The following C14orf93 variants were observed in gnomAD, a reference collection of about 807,000 sequenced individuals.
The protein encoded by C14orf93 is uncharacterized protein C14orf93.
A neutral mutation model predicts 44.0 loss-of-function variants in C14orf93; 23 were observed. The observed-to-expected ratio is 0.52, with a 90% CI of 0.38 to 0.74. The LOEUF (loss-of-function observed/expected upper bound fraction) is 0.74. Ranked by LOEUF, C14orf93 falls within the 30% of genes least tolerant of loss-of-function variation. C14orf93 has a pLI of 0.00. For synonymous variants in C14orf93, 253 were observed against 265.7 expected (o/e 0.95, Z 0.46); for missense variants, 579 against 678.9 (o/e 0.85, Z 1.64).
In C14orf93 at chr14:22,996,284, A is replaced by G; in HGVS notation, c.598-16T>C. On this transcript the variant is annotated splice_polypyrimidine_tract_variant and intron_variant, in intron 2 of 6. Coordinates refer to ENST00000299088, the MANE Select transcript of C14orf93 (RefSeq NM_021944.4). The surrounding 1 kb of genome is among the most constrained non-coding windows in gnomAD (Gnocchi z 4.1). ...CATCCACCAGCTAAGAACATAAAAA[A>G]TAATAGCCTATTAGCCAGCCAGGCT... The G allele has an allele frequency of 1.3e-6, 2 of 1,525,866 alleles. No homozygotes were observed. Among genetic ancestry groups the G allele is most frequent in the Non-Finnish European group, 1.8e-6 (2 of 1,133,024 alleles). 94.5% of individuals were successfully genotyped at this position (1,525,866 alleles called of 1,614,324 possible).
intron 1 of C14orf93, chr14:23,006,754 G>C (rs1025936209): frequency 4.6e-5 from 7 of 152,480 alleles, no homozygotes; most frequent in Admixed American, 1.3e-4. Flanking sequence ...CGGGAAAGGC[G>C]ATCGCAGCGA....
At chr14:22,997,830 C>G (rs554718098) in intron 2 of C14orf93, among the ~76,000 whole-genome samples, 5 of 152,130 alleles carry the variant, frequency 3.3e-5, no homozygotes, top group Non-Finnish European at 7.4e-5. Context: ...CTCATAGTCT[C>G]TCTCCCGTGG....
At chr14:23,008,326 A>C (rs1018769817) in intron 1 of C14orf93, among the ~76,000 whole-genome samples, 1 of 152,188 alleles carries the variant, frequency 6.6e-6, no homozygotes, top group African/African-American at 2.4e-5. Flanking sequence ...ATAAAAATAC[A>C]CTCAGCACAA....
intron 4 of C14orf93, 56 bp downstream of exon 4, chr14:22,990,010 A>T: frequency 6.6e-7 from 1 of 1,520,560 alleles, no homozygotes; most frequent in South Asian, 1.1e-5. Flanking sequence ...ATCCCCCTCT[A>T]CTTCCCTGTC....
intron 1 of C14orf93, among the ~76,000 whole-genome samples, chr14:23,002,128 G>T (rs1008667443): frequency 3.5e-5 from 5 of 141,858 alleles, no homozygotes; most frequent in African/African-American, 8.0e-5. Context: ...CAGCCTGGGC[G>T]ACAGAGCGAG....
intron 5 of C14orf93, among the ~76,000 whole-genome samples, chr14:22,988,985 C>G (rs2045420579): frequency 1.3e-5 from 2 of 152,036 alleles, no homozygotes; most frequent in African/African-American, 4.8e-5. Context: ...TGGAAGATTA[C>G]AAGTATTTTT....
intron 3 of C14orf93, among the ~76,000 whole-genome samples, chr14:22,993,289 T>C (rs570384567): frequency 2.6e-5 from 4 of 152,350 alleles, no homozygotes; most frequent in African/African-American, 9.6e-5. Flanking sequence ...AACTGACAGA[T>C]TAATATCCTG....
chr14:23,007,152 T>C (rs570216793), intron 1 of C14orf93: 1 of 152,298 alleles, frequency 6.6e-6, no homozygotes, highest in African/African-American at 2.4e-5. Flanking sequence ...TGTACCCGGC[T>C]ACCGCGCGCA....
rs1320411836 is a variant in C14orf93 at position 23,010,113 on chromosome 14, T to A, written c.-392A>T. The A allele has an allele frequency of 6.6e-6, 1 of 152,136 alleles. No homozygotes were observed. The highest frequency in any genetic ancestry group is 1.5e-5 in the Non-Finnish European group (1 of 68,008). 9.4% of individuals were successfully genotyped at this position (152,136 alleles called of 1,614,324 possible). On this transcript the variant is annotated 5_prime_UTR_variant, in exon 1 of 7. Coordinates refer to ENST00000299088, the MANE Select transcript of C14orf93 (RefSeq NM_021944.4). ...GGAAAAAGGATACCCGAAGGTCGTA[T>A]GGCTCTTTGTATTCGTGTGTGTGCA...
intron 1 of C14orf93, among the ~76,000 whole-genome samples, chr14:23,008,114 T>C (rs1009800401): frequency 6.3e-5 from 9 of 143,922 alleles, no homozygotes; most frequent in Non-Finnish European, 1.0e-4. Flanking sequence ...GATCGCACCA[T>C]TGCCACTGCA....
At chr14:23,005,910 T>A (rs2046599823) in intron 1 of C14orf93, 1 of 152,210 alleles carries the variant, frequency 6.6e-6, no homozygotes, top group African/African-American at 2.4e-5. Flanking sequence ...TCTTGGCAGT[T>A]CCCTTGCTTG....
Position 22,986,810 on chromosome 14 carries a change from G to C in C14orf93, c.*405C>G. On this transcript the variant is annotated 3_prime_UTR_variant, in exon 7 of 7. Coordinates refer to ENST00000299088, the MANE Select transcript of C14orf93 (RefSeq NM_021944.4). ...TTTCCACTGCAGAGCAAGACAAGTA[G>C]TCACAGGGAAGCAAAAGGTACAACC... The C allele has an allele frequency of 4.6e-6, 1 of 216,510 alleles. No individual in the cohort carries two copies. The highest frequency in any genetic ancestry group is 1.1e-4 in the East Asian group (1 of 8,916). The allele number at this position is 216,510 out of a possible 1,614,324, so 13.4% of individuals were successfully genotyped here.
intron 1 of C14orf93, chr14:23,002,695 A>G (rs1323140300): frequency 6.6e-6 from 1 of 151,728 alleles, no homozygotes; most frequent in African/African-American, 2.4e-5. Context: ...TGTGTTCCCA[A>G]CCTGGACACC....
At chr14:23,006,058 G>A (rs558333442) in intron 1 of C14orf93, 4 of 152,182 alleles carry the variant, frequency 2.6e-5, no homozygotes, top group Non-Finnish European at 5.9e-5. Context: ...TATAATGGGT[G>A]CTTGACTCAT....
chr14:22,986,765 C>A lies in C14orf93; in HGVS notation c.*450G>T, dbSNP rs1353589637. 5.5e-6 allele frequency: 1 copy of A among 180,398 alleles called. No individual in the cohort carries two copies. 11.2% of individuals were successfully genotyped at this position (180,398 alleles called of 1,614,324 possible). A position where few individuals can be genotyped will look rare whatever the true frequency, so the allele number is the denominator to read the frequency against. On this transcript the variant is annotated 3_prime_UTR_variant, in exon 7 of 7. Transcript: ENST00000299088. ...ACTGCCCACCAGGTGGCGGTATTAA[C>A]CTGCACTGGTCATGTTCGGTTTCCA...
chr14:22,989,942 C>A, intron 4 of C14orf93, 97 bp from the exon 5 acceptor site: 1 of 1,448,148 alleles, frequency 6.9e-7, no homozygotes, highest in South Asian at 1.2e-5. Context: ...GCAAATCCCT[C>A]CACAGCCTAA....
Position 22,987,400 on chromosome 14 carries a change from C to CT in C14orf93, c.1431dup (p.Asp478ArgfsTer7), listed in dbSNP as rs1190398127. On this transcript the variant is annotated frameshift_variant, in exon 7 of 7. Transcript: ENST00000299088. LOFTEE classifies it high-confidence loss of function. This position sits in a 1 kb window ranked among gnomAD's most constrained non-coding sequence, Gnocchi z 5.6. ...TGGGCTTCAGCAGAAGGCAGTCTGTCTGAGGGAGGCCCATACACACGGTTG... is the reference window on the plus strand; with the variant it reads ...TGGGCTTCAGCAGAAGGCAGTCTGTCTTGAGGGAGGCCCATACACACGGTTG... The CT allele has an allele frequency of 1.3e-5, 21 of 1,614,130 alleles. No individual in the cohort carries two copies. The highest frequency in any genetic ancestry group is 1.6e-5 in the Non-Finnish European group (19 of 1,180,048).
At position 23,004,746 on chromosome 14, in the gene C14orf93, C is replaced by T. The variant is rs2046542708; in HGVS notation, c.-379-5344G>A. Among the ~76,000 whole-genome samples the T allele has an allele frequency of 3.3e-5, 5 of 152,082 alleles. No homozygotes were observed. The South Asian group carries it at 8.3e-4, about 25-fold the overall frequency. The stretch of plus-strand genomic sequence containing the variant: ...CCAGCCTGACCAACATGGAGAAACC[C>T]TGTCTCTACTAAAAATACAAAATTA... On this transcript the variant is annotated intron_variant, in intron 1 of 6. Transcript: ENST00000299088.
At position 22,986,079 on chromosome 14, in the gene C14orf93, C is replaced by G. The variant is rs2045217263; in HGVS notation, c.*1136G>C. ...AGTCTGCAGTAGAACTGGACCTTGTCTGTACTCTCTCTTGCCCCTGGACTT... is the reference window on the plus strand; with the variant it reads ...AGTCTGCAGTAGAACTGGACCTTGTGTGTACTCTCTCTTGCCCCTGGACTT... On this transcript the variant is annotated 3_prime_UTR_variant, in exon 7 of 7. Coordinates refer to ENST00000299088, the MANE Select transcript of C14orf93 (RefSeq NM_021944.4). 1 of 152,308 alleles carries G rather than the reference C, an allele frequency of 6.6e-6. No individual in the cohort carries two copies. Among genetic ancestry groups the G allele is most frequent in the African/African-American group, 2.4e-5 (1 of 41,468 alleles). The allele number at this position is 152,308 out of a possible 1,614,324, so 9.4% of individuals were successfully genotyped here. A position where few individuals can be genotyped will look rare whatever the true frequency, so the allele number is the denominator to read the frequency against.
Sources: allele counts gnomAD v4.1 joint callset (sites outside exome capture counted in the v4.1 genomes callset), GRCh38; gene constraint gnomAD v4.1.1; non-coding constraint Gnocchi (gnomAD v3.1); transcripts MANE v1.5; gene names NCBI Gene and HGNC (gene_info 2026-07-23, HGNC 2026-07-21).